Variants in NSMAF observed in about 807,000 individuals in gnomAD.
NSMAF encodes the protein protein FAN.
Under a neutral mutation model 134.9 loss-of-function variants are expected in NSMAF, and 90 were observed. The ratio of observed to expected loss-of-function variants is 0.67; its 90% CI spans 0.56 to 0.79. The LOEUF is 0.79. NSMAF is among the 30% of genes least tolerant of loss of function. The pLI is 0.00. For synonymous variants in NSMAF, 358 were observed against 389.6 expected (o/e 0.92, Z 0.96); for missense variants, 1,010 against 1,119.0 (o/e 0.90, Z 1.39).
At position 58,631,313 on chromosome 8, in the gene NSMAF, A is replaced by C. The variant is rs563736877; in HGVS notation, c.384+183T>G. ...ACTTTTTTTTTTAAGTCAAAAAGTT[A>C]ATTGAATTCTCTTGAAATAAAATCT... On this transcript the variant is annotated intron_variant, in intron 6 of 30. Coordinates refer to ENST00000038176, the MANE Select transcript of NSMAF (RefSeq NM_003580.4). The C allele has an allele frequency of 2.4e-4, 90 of 379,384 alleles. No individual in the cohort carries two copies. The East Asian group carries it at 3.8e-3, about 16-fold the overall frequency. The allele number at this position is 379,384 out of a possible 1,614,324, so 23.5% of individuals were successfully genotyped here. A position where few individuals can be genotyped will look rare whatever the true frequency, so the allele number is the denominator to read the frequency against.
In NSMAF at chr8:58,640,622, T is replaced by C. The variant is rs376687899; in HGVS notation, c.149+2362A>G. On this transcript the variant is annotated intron_variant, in intron 2 of 30. Coordinates refer to ENST00000038176, the MANE Select transcript of NSMAF (RefSeq NM_003580.4). ...CAATACTTTTTCATCTTACCAGAGA[T>C]ACACAGTCAAATTATTATATTGTAA... 1.2e-4 allele frequency among the ~76,000 whole-genome samples: 18 copies of C among 152,344 alleles called. No individual in the cohort carries two copies. In the South Asian group the frequency reaches 1.2e-3, roughly 11 times the overall value.
At chr8:58,651,154 T>C (rs1333763776) in intron 1 of NSMAF, among the ~76,000 whole-genome samples, 2 of 152,234 alleles carry the variant, frequency 1.3e-5, no homozygotes, top group African/African-American at 4.8e-5. Context: ...GGGTCTCATC[T>C]TACCCAACTC....
Position 58,602,086 on chromosome 8 carries a change from A to G in NSMAF, c.1097T>C (p.Leu366Pro). Residue 366 changes from leucine to proline, a missense_variant, in exon 14 of 31, where the codon CTA becomes CCA. Physicochemically the swap from Leu to Pro is moderately conservative, Grantham distance 98. Coordinates refer to ENST00000038176, the MANE Select transcript of NSMAF (RefSeq NM_003580.4). ...FRDLSKPVGA[L>P]NKERLERLLT... ...TAGTCTCTCCAGCCGTTCCTTATTTAGGGCCCCTACTGGCTTACTGAGATC... is the reference window on the plus strand; with the variant it reads ...TAGTCTCTCCAGCCGTTCCTTATTTGGGGCCCCTACTGGCTTACTGAGATC... 1 of 1,613,422 alleles carries G rather than the reference A, an allele frequency of 6.2e-7. No individual in the cohort carries two copies. The highest frequency in any genetic ancestry group is 8.5e-7 in the Non-Finnish European group (1 of 1,179,426).
Position 58,595,666 on chromosome 8 carries a change from AGAC to A in NSMAF, c.1793-10_1793-8del. On this transcript the variant is annotated splice_region_variant and splice_polypyrimidine_tract_variant and intron_variant, in intron 21 of 30. Coordinates refer to ENST00000038176, the MANE Select transcript of NSMAF (RefSeq NM_003580.4). The stretch of plus-strand genomic sequence containing the variant: ...TCTTCAAAAGACTCTTCACCTGGAG[AGAC>A]GACATTAAATTTTTGCTAAGTCAAC... 4.4e-6 allele frequency: 7 copies of A among 1,595,660 alleles called. No individual in the cohort carries two copies. The highest frequency in any genetic ancestry group is 6.0e-6 in the Non-Finnish European group (7 of 1,165,852).
chr8:58,599,444 A>G, intron 18 of NSMAF, 81 bp from the exon 19 acceptor site: 1 of 1,464,822 alleles, frequency 6.8e-7, no homozygotes, highest in South Asian at 1.3e-5. Context: ...ATATGTATAT[A>G]AAGCTTCTAG....
intron 5 of NSMAF, among the ~76,000 whole-genome samples, 153 bp downstream of exon 5, chr8:58,635,036 C>A (rs1051937677): frequency 5.3e-5 from 8 of 152,178 alleles, no homozygotes; most frequent in Admixed American, 1.3e-4. Context: ...GGGATCACAT[C>A]TTTTTAAAAC....
Position 58,605,139 on chromosome 8 carries a change from C to A in NSMAF, c.868+788G>T, listed in dbSNP as rs140271902. Among the ~76,000 whole-genome samples, 841 of 152,284 alleles carry A rather than the reference C, an allele frequency of 5.5e-3. 11 individuals carry two copies. Among genetic ancestry groups the A allele is most frequent in the African/African-American group, 0.019 (790 of 41,544 alleles). On this transcript the variant is annotated intron_variant, in intron 12 of 30. Transcript: ENST00000038176. Reference sequence around the variant, plus strand: ...TTAGCCTTGCAATGTAATAAAAAAACTTTGGGCTTGAACATCATAATATAA... The same window carrying A: ...TTAGCCTTGCAATGTAATAAAAAAAATTTGGGCTTGAACATCATAATATAA...
chr8:58,638,287 C>T (rs959461498), intron 2 of NSMAF, among the ~76,000 whole-genome samples: 3 of 152,176 alleles, frequency 2.0e-5, no homozygotes, highest in African/African-American at 7.2e-5. Flanking sequence ...TCAAGTGATC[C>T]TCCCTCCTCA....
chr8:58,642,747 A>G (rs575674588), intron 2 of NSMAF, among the ~76,000 whole-genome samples: 1 of 152,308 alleles, frequency 6.6e-6, no homozygotes, highest in Non-Finnish European at 1.5e-5. Context: ...TTACTTCCCT[A>G]ATAAGAGAAA....
At chr8:58,612,622 T>C (rs574407856) in intron 9 of NSMAF, among the ~76,000 whole-genome samples, 2 of 152,332 alleles carry the variant, frequency 1.3e-5, no homozygotes, top group South Asian at 4.1e-4. Flanking sequence ...CTTGGATTTG[T>C]GATTGGCATC....
intron 1 of NSMAF, among the ~76,000 whole-genome samples, chr8:58,643,895 AG>A (rs1380419931): frequency 6.6e-6 from 1 of 152,252 alleles, no homozygotes; most frequent in Non-Finnish European, 1.5e-5. Context: ...GTGTTTAATA[AG>A]TAAAATGAGT....
chr8:58,628,459 A>C (rs1399252559), intron 6 of NSMAF, among the ~76,000 whole-genome samples: 1 of 152,196 alleles, frequency 6.6e-6, no homozygotes, highest in African/African-American at 2.4e-5. Flanking sequence ...GTCTCCTTTT[A>C]TGTTAATGAT....
intron 6 of NSMAF, among the ~76,000 whole-genome samples, chr8:58,628,576 T>TTCA (rs1386332360): frequency 2.0e-5 from 3 of 152,228 alleles, no homozygotes; most frequent in Non-Finnish European, 4.4e-5. Flanking sequence ...TAAACTGATT[T>TTCA]ACACACCACC....
chr8:58,659,596 C>T lies in NSMAF; in HGVS notation c.36G>A (p.Gln12=). The change falls in exon 1 of 31, where the codon CAG becomes CAA. Residue 12 remains glutamine, a synonymous_variant. Transcript: ENST00000038176. ...AFIRKKQQEQ[Q]LQLYSKERFS... Reference sequence around the variant, plus strand: ...ACCTCTCCTTGGAGTAGAGCTGCAGCTGCTGCTCCTGCTGCTTCTTCCGGA... The same window carrying T: ...ACCTCTCCTTGGAGTAGAGCTGCAGTTGCTGCTCCTGCTGCTTCTTCCGGA... The T allele has an allele frequency of 2.0e-6, 3 of 1,493,532 alleles. No homozygotes were observed. The highest frequency in any genetic ancestry group is 1.8e-6 in the Non-Finnish European group (2 of 1,124,702). The allele number at this position is 1,493,532 out of a possible 1,614,324, so 92.5% of individuals were successfully genotyped here.
intron 13 of NSMAF, among the ~76,000 whole-genome samples, chr8:58,602,416 T>C (rs1017805934): frequency 6.6e-6 from 1 of 152,140 alleles, no homozygotes; most frequent in Non-Finnish European, 1.5e-5. Flanking sequence ...AACATATATA[T>C]ATTCCAAGTA....
At chr8:58,596,852 A>G (rs1001804998) in intron 21 of NSMAF, among the ~76,000 whole-genome samples, 1 of 150,108 alleles carries the variant, frequency 6.7e-6, no homozygotes. Flanking sequence ...GGCGGCGTGA[A>G]CCCGGGAGGC....
chr8:58,599,523 G>C, intron 18 of NSMAF, 160 bp from the exon 19 acceptor site: 1 of 981,366 alleles, frequency 1.0e-6, no homozygotes, highest in Non-Finnish European at 1.4e-6. Context: ...AAGTTTTTTG[G>C]GGAAAAAAGT....
chr8:58,654,922 C>T (rs1046101114), intron 1 of NSMAF, among the ~76,000 whole-genome samples: 5 of 152,168 alleles, frequency 3.3e-5, no homozygotes, highest in African/African-American at 1.2e-4. Context: ...GCAACCTCTG[C>T]CTCCCAAGTT....
chr8:58,635,151 T>C (rs1305242994), intron 5 of NSMAF, 38 bp downstream of exon 5: 3 of 1,479,802 alleles, frequency 2.0e-6, no homozygotes, highest in African/African-American at 1.4e-5. Context: ...ATAAGAATGT[T>C]CATTCAGATT....
Sources: allele counts gnomAD v4.1 joint callset (sites outside exome capture counted in the v4.1 genomes callset), GRCh38; gene constraint gnomAD v4.1.1; transcripts MANE v1.5; gene names NCBI Gene and HGNC (gene_info 2026-07-23, HGNC 2026-07-21).